ARHGAP24: variants seen among roughly 807,000 people sequenced by gnomAD.
ARHGAP24 encodes Rho GTPase activating protein 24.
In ARHGAP24, 50 loss-of-function variants were observed where a neutral mutation model predicts 76.4. The ratio of observed to expected loss-of-function variants is 0.65; its 90% CI spans 0.52 to 0.83. The LOEUF (loss-of-function observed/expected upper bound fraction) is 0.83. ARHGAP24 is among the 40% of genes least tolerant of loss of function. ARHGAP24 has a pLI of 0.00. For synonymous variants in ARHGAP24, 345 were observed against 323.3 expected (o/e 1.07, Z -0.72); for missense variants, 930 against 914.2 (o/e 1.02, Z -0.22).
chr4:85,757,371 G>T (rs6820032), intron 3 of ARHGAP24, among the ~76,000 whole-genome samples: 6 of 151,154 alleles, frequency 4.0e-5, no homozygotes, highest in African/African-American at 1.5e-4. Flanking sequence ...CCCCTCTCCC[G>T]CAACCCCACG....
At chr4:85,609,650 A>G (rs1720315241) in intron 2 of ARHGAP24, among the ~76,000 whole-genome samples, 1 of 152,142 alleles carries the variant, frequency 6.6e-6, no homozygotes, top group South Asian at 2.1e-4. Context: ...AACTCCATGC[A>G]TTCCTTCATG....
intron 1 of ARHGAP24, among the ~76,000 whole-genome samples, chr4:85,475,965 G>A (rs78211312): frequency 0.037 from 5,609 of 151,364 alleles, 359 homozygotes; most frequent in African/African-American, 0.13. Context: ...AGTTCCCTAT[G>A]TAACAGGCGC....
chr4:85,638,274 A>G (rs1560564334), intron 2 of ARHGAP24, among the ~76,000 whole-genome samples: 1 of 152,168 alleles, frequency 6.6e-6, no homozygotes, highest in South Asian at 2.1e-4. Context: ...AGACTTGTAC[A>G]TGTTATATGA....
intron 2 of ARHGAP24, among the ~76,000 whole-genome samples, chr4:85,706,220 T>A (rs1724302423): frequency 6.6e-6 from 1 of 152,000 alleles, no homozygotes; most frequent in Non-Finnish European, 1.5e-5. Context: ...GAAATTCTTT[T>A]TTTTGATGGA....
At chr4:85,978,300 G>T (rs577053263) in intron 8 of ARHGAP24, among the ~76,000 whole-genome samples, 5 of 152,160 alleles carry the variant, frequency 3.3e-5, no homozygotes, top group African/African-American at 1.2e-4. Flanking sequence ...AAAGAAAAAG[G>T]AAAGGAGAAA....
rs1465254644 is a variant in ARHGAP24 at position 85,894,981 on chromosome 4, A to C, written c.269-28667A>C. Among the ~76,000 whole-genome samples, 18 of 21,434 alleles carry C rather than the reference A, an allele frequency of 8.4e-4. 1 individual carries two copies. The highest frequency in any genetic ancestry group is 3.4e-3 in the African/African-American group (16 of 4,712). The allele number at this position is 21,434 out of a possible 152,430, so 14.1% of individuals were successfully genotyped here. A position where few individuals can be genotyped will look rare whatever the true frequency, so the allele number is the denominator to read the frequency against. ...CTCTCAAAAAAAAAAAAAAAAAAAA[A>C]AAAAAAACAAAACAAAAAGCAAAAA... On this transcript the variant is annotated intron_variant, in intron 3 of 9. Transcript: ENST00000395184.
At chr4:85,624,512 A>C (rs1720858369) in intron 2 of ARHGAP24, among the ~76,000 whole-genome samples, 2 of 152,116 alleles carry the variant, frequency 1.3e-5, no homozygotes, top group South Asian at 4.1e-4. Context: ...GGATTTTTGT[A>C]TCAATGTTCA....
At chr4:85,690,011 G>A (rs1723570859) in intron 2 of ARHGAP24, among the ~76,000 whole-genome samples, 1 of 152,104 alleles carries the variant, frequency 6.6e-6, no homozygotes, top group Admixed American at 6.6e-5. Flanking sequence ...TGTCATAGAT[G>A]ACTTTTATTT....
intron 2 of ARHGAP24, among the ~76,000 whole-genome samples, chr4:85,618,284 T>C (rs1468734950): frequency 6.6e-6 from 1 of 152,178 alleles, no homozygotes; most frequent in African/African-American, 2.4e-5. Flanking sequence ...TAGGGTCAGG[T>C]TCATTCATGT....
chr4:85,689,562 A>AT lies in ARHGAP24; in HGVS notation c.181-32317dup, dbSNP rs1028106208. Among the ~76,000 whole-genome samples the AT allele has an allele frequency of 3.3e-5, 5 of 151,810 alleles. No individual in the cohort carries two copies. The East Asian group carries it at 5.8e-4, about 18-fold the overall frequency. On this transcript the variant is annotated intron_variant, in intron 2 of 9. Transcript: ENST00000395184. Reference sequence around the variant, plus strand: ...CCACCACACCTGGCTACTTTTTTGTATTTTTTAGCAGAAACGAGGTTTTGC... The same window carrying AT: ...CCACCACACCTGGCTACTTTTTTGTATTTTTTTAGCAGAAACGAGGTTTTGC...
chr4:85,573,051 T>C (rs915133613), intron 2 of ARHGAP24, among the ~76,000 whole-genome samples: 2 of 152,006 alleles, frequency 1.3e-5, no homozygotes, highest in Non-Finnish European at 2.9e-5. Context: ...TAATTTTTTG[T>C]ATTTTTAGTA....
At chr4:85,684,582 G>A (rs111877652) in intron 2 of ARHGAP24, among the ~76,000 whole-genome samples, 5,949 of 152,036 alleles carry the variant, frequency 0.039, 283 homozygotes, top group African/African-American at 0.12. Context: ...GTCCGTTTCC[G>A]TCCAAGCCGA....
intron 2 of ARHGAP24, among the ~76,000 whole-genome samples, chr4:85,585,401 C>A (rs1035014652): frequency 6.6e-6 from 1 of 152,136 alleles, no homozygotes; most frequent in African/African-American, 2.4e-5. Context: ...GGCTATCAAG[C>A]CTGCCTCTGG....
intron 3 of ARHGAP24, among the ~76,000 whole-genome samples, chr4:85,895,042 G>A (rs1244769682): frequency 7.0e-6 from 1 of 143,008 alleles, no homozygotes; most frequent in Non-Finnish European, 1.5e-5. Flanking sequence ...GCAGGATTTT[G>A]GGGACTCACG....
intron 2 of ARHGAP24, among the ~76,000 whole-genome samples, chr4:85,701,787 A>T (rs1289539395): frequency 6.6e-6 from 1 of 152,174 alleles, no homozygotes; most frequent in Non-Finnish European, 1.5e-5. Flanking sequence ...CAAGATTCAT[A>T]TATAGATATG....
At chr4:85,662,127 C>T (rs1162275325) in intron 2 of ARHGAP24, among the ~76,000 whole-genome samples, 1 of 152,090 alleles carries the variant, frequency 6.6e-6, no homozygotes, top group East Asian at 1.9e-4. Flanking sequence ...GTTTACAGTC[C>T]CACCAACAGT....
At chr4:85,566,342 C>T (rs990306658) in intron 1 of ARHGAP24, among the ~76,000 whole-genome samples, 1 of 152,106 alleles carries the variant, frequency 6.6e-6, no homozygotes, top group African/African-American at 2.4e-5. Flanking sequence ...AGTGTTAAAC[C>T]ACAATTGGTT....
chr4:85,996,251 G>C (rs1740650643), intron 9 of ARHGAP24, among the ~76,000 whole-genome samples: 1 of 152,188 alleles, frequency 6.6e-6, no homozygotes, highest in Non-Finnish European at 1.5e-5. Context: ...CTCTGAGATA[G>C]AAATCCATGG....
chr4:85,912,305 G>A (rs1008087133), intron 3 of ARHGAP24, among the ~76,000 whole-genome samples: 8 of 152,026 alleles, frequency 5.3e-5, no homozygotes, highest in Non-Finnish European at 8.8e-5. Flanking sequence ...TTAAATTCCA[G>A]GCCCATAAGA....
Sources: gnomAD v4.1 joint callset for allele counts (sites outside exome capture counted in the v4.1 genomes callset) on GRCh38, gnomAD v4.1.1 for gene constraint, MANE v1.5 for transcripts, NCBI Gene and HGNC (gene_info 2026-07-23, HGNC 2026-07-21) for gene names.